The following MS4A2 variants were observed in gnomAD, a reference collection of about 807,000 sequenced individuals.
MS4A2 encodes high affinity immunoglobulin epsilon receptor subunit beta.
A neutral mutation model predicts 27.9 loss-of-function variants in MS4A2; 26 were observed. The ratio of observed to expected loss-of-function variants is 0.93; its 90% CI spans 0.68 to 1.29. The LOEUF (loss-of-function observed/expected upper bound fraction) is 1.29, where lower values mean the gene tolerates loss of function less well. MS4A2 is among the 50% of genes most tolerant of loss of function. The pLI is 0.00. For missense variants in MS4A2, 284 were observed against 284.6 expected (o/e 1.00, Z 0.01); for synonymous variants, 110 against 98.8 (o/e 1.11, Z -0.67).
intron 4 of MS4A2, 117 bp from the exon 5 acceptor site, chr11:60,093,283 C>A: frequency 7.3e-7 from 1 of 1,369,396 alleles, no homozygotes; most frequent in Non-Finnish European, 1.0e-6. Flanking sequence ...CCTTTTTAAC[C>A]AAAATTTGGA....
rs1347078577 is a variant in MS4A2, at chr11:60,095,556, A to G, written c.637-2A>G. 3 of 1,593,420 alleles carry G rather than the reference A, an allele frequency of 1.9e-6. No individual in the cohort carries two copies. Among genetic ancestry groups the G allele is most frequent in the Non-Finnish European group, 2.6e-6 (3 of 1,161,312 alleles). On this transcript the variant is annotated splice_acceptor_variant, in intron 6 of 6. Transcript: ENST00000278888. LOFTEE classifies it high-confidence loss of function. ...GATATGAAATGATTTTTCCCTTATCAGGTTCCAGAGGATCGTGTTTATGAA... is the reference window on the plus strand; with the variant it reads ...GATATGAAATGATTTTTCCCTTATCGGGTTCCAGAGGATCGTGTTTATGAA...
chr11:60,092,548 G>A (rs572195695), intron 3 of MS4A2, among the ~76,000 whole-genome samples: 120 of 152,056 alleles, frequency 7.9e-4, no homozygotes, highest in Non-Finnish European at 1.4e-3. Context: ...CCCCCGCCTC[G>A]GCTTCCCAAA....
In MS4A2 at chr11:60,093,450, G is replaced by A. The variant is rs1160339509; in HGVS notation, c.429G>A (p.Thr143=). The part of the protein sequence containing the change: ...ANTASSIAGG[T]GITILIINLK... ...CTGCCAGCAGCATAGCTGGGGGAAC[G>A]GGAATTACCATCCTGATCATCAACC... Residue 143 remains threonine, a synonymous_variant, in exon 5 of 7, where the codon ACG becomes ACA. Transcript: ENST00000278888. 6 of 1,614,012 alleles carry A rather than the reference G, an allele frequency of 3.7e-6. No individual in the cohort carries two copies. Among genetic ancestry groups the A allele is most frequent in the Admixed American group, 1.7e-5 (1 of 59,998 alleles).
Position 60,089,750 on chromosome 11 carries a change from T to C in MS4A2, c.115T>C (p.Leu39=). Residue 39 remains leucine (L), a synonymous_variant, in exon 2 of 7, where the codon TTG becomes CTG. Transcript: ENST00000278888. ...SPQEVSSGRL[L]KSASSPPLHT... The stretch of plus-strand genomic sequence containing the variant: ...CCAGGAAGTATCTTCAGGCAGACTA[T>C]TGAAGTCGGCCTCATCCCCACCACT... 1.9e-6 allele frequency: 3 copies of C among 1,614,124 alleles called. No homozygotes were observed. The highest frequency in any genetic ancestry group is 8.5e-7 in the Non-Finnish European group (1 of 1,179,930).
At chr11:60,092,692 G>T in intron 3 of MS4A2, 100 bp from the exon 4 acceptor site, 1 of 1,026,606 alleles carries the variant, frequency 9.7e-7, no homozygotes, top group South Asian at 1.4e-5. Flanking sequence ...TAACTTTATC[G>T]AGTACCCCAA....
At chr11:60,091,675 G>A (rs1039019625) in intron 3 of MS4A2, among the ~76,000 whole-genome samples, 1 of 152,130 alleles carries the variant, frequency 6.6e-6, no homozygotes, top group African/African-American at 2.4e-5. Flanking sequence ...GATTCTTCAA[G>A]TTTTTTCTTT....
At position 60,092,798 on chromosome 11, in the gene MS4A2, A is replaced by G. The variant is rs915216143; in HGVS notation, c.328A>G (p.Ile110Val). The change falls in exon 4 of 7, where the codon ATT becomes GTT. Residue 110 changes from isoleucine (I) to valine (V), a missense_variant. Coordinates refer to ENST00000278888, the MANE Select transcript of MS4A2 (RefSeq NM_000139.5). ...YPFWGAIFFSISGMLSIISER... is the reference protein window; with the variant it reads ...YPFWGAIFFSVSGMLSIISER... ...TTTCCTCCTTTTTGAACAGTTTTCT[A>G]TTTCTGGAATGTTGTCAATTATATC... 1.9e-6 allele frequency: 3 copies of G among 1,613,714 alleles called. No individual in the cohort carries two copies. Among genetic ancestry groups the G allele is most frequent in the South Asian group, 1.1e-5 (1 of 91,012 alleles).
At chr11:60,095,537 A>T (rs1282553404) in intron 6 of MS4A2, 21 bp from the exon 7 acceptor site, 2 of 1,482,348 alleles carry the variant, frequency 1.3e-6, no homozygotes, top group East Asian at 2.3e-5. Context: ...GATTGATATG[A>T]AATGATTTTT....
At chr11:60,089,613 TC>T in intron 1 of MS4A2, 78 bp from the exon 2 acceptor site, 1 of 1,581,974 alleles carries the variant, frequency 6.3e-7, no homozygotes. Context: ...TAAACAAAAC[TC>T]CCCTTTCTGT....
rs1431743433 is a variant in MS4A2, at chr11:60,093,960, A to G, written c.538-4A>G. 12 of 1,609,724 alleles carry G rather than the reference A, an allele frequency of 7.5e-6. No individual in the cohort carries two copies. The highest frequency in any genetic ancestry group is 1.6e-4 in the Middle Eastern group (1 of 6,074). On this transcript the variant is annotated splice_polypyrimidine_tract_variant and splice_region_variant and intron_variant, in intron 5 of 6. Coordinates refer to ENST00000278888, the MANE Select transcript of MS4A2 (RefSeq NM_000139.5). ...TTTGTTTGTCATTTGTTGCTGTTCA[A>G]TAGGAAATTGTAGTGATGATGCTGT...
chr11:60,089,467 G>A (rs12293900), intron 1 of MS4A2, among the ~76,000 whole-genome samples: 1,707 of 152,270 alleles, frequency 0.011, 39 homozygotes, highest in African/African-American at 0.039. Flanking sequence ...AATTTGGCAT[G>A]GATTTTGCTC....
chr11:60,089,807 C>T lies in MS4A2; in HGVS notation c.172C>T (p.Gln58Ter). 1.2e-6 allele frequency: 2 copies of T among 1,614,084 alleles called. No individual in the cohort carries two copies. The highest frequency in any genetic ancestry group is 1.7e-6 in the Non-Finnish European group (2 of 1,179,996). The part of the protein sequence containing the change: ...HTWLTVLKKE[Q>*]EFLGVTQILT... Reference sequence around the variant, plus strand: ...ATGGCTGACAGTTTTGAAAAAAGAGCAGGAGTTCCTGGGGGTGAGTGAGCC... The same window carrying T: ...ATGGCTGACAGTTTTGAAAAAAGAGTAGGAGTTCCTGGGGGTGAGTGAGCC... The change falls in exon 2 of 7, where the codon CAG (glutamine) becomes TAG (stop). Residue 58 changes from glutamine (Q) to a stop codon, truncating the protein, a stop_gained. Transcript: ENST00000278888. LOFTEE classifies it high-confidence loss of function.
At chr11:60,094,134 G>T (rs1855824837) in intron 6 of MS4A2, 72 bp downstream of exon 6, 1 of 1,038,664 alleles carries the variant, frequency 9.6e-7, no homozygotes, top group South Asian at 1.3e-5. Context: ...TAAAAATATG[G>T]CCTGGGTTTT....
At position 60,093,557 on chromosome 11, in the gene MS4A2, CTGTA is replaced by C. The variant is rs1687902703; in HGVS notation, c.537+5_537+8del. ...AAGTGCTTTATGGCTTCCTTTTCCA[CTGTA>C]TGTATTTTTTTTTGTGTGGGAAGAC... On this transcript the variant is annotated splice_donor_variant and splice_donor_region_variant and coding_sequence_variant and intron_variant, in exon 5 of 7. Coordinates refer to ENST00000278888, the MANE Select transcript of MS4A2 (RefSeq NM_000139.5). LOFTEE classifies it high-confidence loss of function. 1 of 1,614,020 alleles carries C rather than the reference CTGTA, an allele frequency of 6.2e-7. No individual in the cohort carries two copies. Among genetic ancestry groups the C allele is most frequent in the Non-Finnish European group, 8.5e-7 (1 of 1,180,008 alleles).
chr11:60,089,203 T>C (rs1855711723), intron 1 of MS4A2, among the ~76,000 whole-genome samples: 1 of 152,228 alleles, frequency 6.6e-6, no homozygotes. Context: ...TTGGTCTTTA[T>C]AATCCATAAG....
intron 3 of MS4A2, 61 bp downstream of exon 3, chr11:60,090,531 A>C: frequency 6.7e-7 from 1 of 1,498,500 alleles, no homozygotes; most frequent in Non-Finnish European, 9.2e-7. Context: ...TCTCTTTCTC[A>C]GATCTAACCA....
intron 4 of MS4A2, 87 bp downstream of exon 4, chr11:60,092,935 C>T (rs1855793088): frequency 2.3e-5 from 29 of 1,261,946 alleles, no homozygotes; most frequent in Non-Finnish European, 3.1e-5. Flanking sequence ...ACATCTTTGT[C>T]TCCTATATTA....
At chr11:60,094,472 G>A (rs1051222609) in intron 6 of MS4A2, among the ~76,000 whole-genome samples, 2 of 152,098 alleles carry the variant, frequency 1.3e-5, no homozygotes, top group Non-Finnish European at 2.9e-5. Context: ...TAAAACCTCA[G>A]TTTTCTTTCC....
chr11:60,089,704 T>G lies in MS4A2; in HGVS notation c.69T>G (p.Phe23Leu), dbSNP rs1855720749. ...TTAAATTTCACAGTGTGCCTGCATTTGAAGTCTTGGAAATATCTCCCCAGG... is the reference window on the plus strand; with the variant it reads ...TTAAATTTCACAGTGTGCCTGCATTGGAAGTCTTGGAAATATCTCCCCAGG... ...LPQEPSSVPA[F>L]EVLEISPQEV... Residue 23 changes from phenylalanine (F) to leucine (L), a missense_variant, in exon 2 of 7, where the codon TTT becomes TTG. Phe to Leu is a conservative substitution (Grantham distance 22). Transcript: ENST00000278888. 5 of 1,614,198 alleles carry G rather than the reference T, an allele frequency of 3.1e-6. No individual in the cohort carries two copies. The East Asian group carries it at 1.1e-4, about 36-fold the overall frequency.
Sources: allele counts gnomAD v4.1 joint callset (sites outside exome capture counted in the v4.1 genomes callset), GRCh38; gene constraint gnomAD v4.1.1; transcripts MANE v1.5; gene names NCBI Gene and HGNC (gene_info 2026-07-23, HGNC 2026-07-21).